The following CPEB3 variants were observed in gnomAD, a reference collection of about 807,000 sequenced individuals.
The protein encoded by CPEB3 is cytoplasmic polyadenylation element-binding protein 3.
A neutral mutation model predicts 67.2 loss-of-function variants in CPEB3; 20 were observed. The ratio of observed to expected loss-of-function variants is 0.30; its 90% confidence interval spans 0.21 to 0.43. The LOEUF (loss-of-function observed/expected upper bound fraction) is 0.43, where lower values mean the gene tolerates loss of function less well. Among genes scored for constraint, CPEB3 ranks in the 20% least tolerant of loss-of-function variants. The pLI is 1.00. For synonymous variants in CPEB3, 376 were observed against 393.1 expected, an observed-to-expected ratio of 0.96 and a Z score of 0.51; for missense variants, 746 against 968.6, an observed-to-expected ratio of 0.77 and a Z score of 3.05.
chr10:92,111,434 T>G (rs2133486509), intron 6 of CPEB3, among the ~76,000 whole-genome samples: 1 of 152,336 alleles, frequency 6.6e-6, no homozygotes, highest in South Asian at 2.1e-4. Context: ...TTCCACTAAA[T>G]ACATCTGGTT....
At chr10:92,272,211 CTGAT>C (rs761400935) in intron 1 of CPEB3, 37 of 152,256 alleles carry the variant, frequency 2.4e-4, no homozygotes, top group African/African-American at 8.9e-4. Context: ...TGATCTGTAA[CTGAT>C]TGTGAACTCA....
intron 6 of CPEB3, among the ~76,000 whole-genome samples, chr10:92,132,457 A>AC (rs1845886944): frequency 6.6e-6 from 1 of 152,198 alleles, no homozygotes; most frequent in African/African-American, 2.4e-5. Flanking sequence ...GTATTTTCTT[A>AC]TTGTCTTGCA....
At chr10:92,089,458 A>C (rs1166590938) in intron 8 of CPEB3, among the ~76,000 whole-genome samples, 1 of 152,166 alleles carries the variant, frequency 6.6e-6, no homozygotes, top group Non-Finnish European at 1.5e-5. Context: ...AAAACAAAAC[A>C]TTTTAAAACA....
At chr10:92,268,799 T>C (rs11186884) in intron 1 of CPEB3, among the ~76,000 whole-genome samples, 33,803 of 151,576 alleles carry the variant, frequency 0.22, 4,729 homozygotes, top group Middle Eastern at 0.34. Flanking sequence ...CAGAAAGAGG[T>C]TTCCATGATG....
chr10:92,267,137 C>T (rs1853094645), intron 1 of CPEB3, among the ~76,000 whole-genome samples: 2 of 151,992 alleles, frequency 1.3e-5, no homozygotes, highest in South Asian at 4.2e-4. Context: ...GCAGAGGGAA[C>T]AATTAATGTG....
intron 1 of CPEB3, among the ~76,000 whole-genome samples, chr10:92,264,336 A>G (rs1852945100): frequency 6.6e-6 from 1 of 151,200 alleles, no homozygotes; most frequent in Non-Finnish European, 1.5e-5. Flanking sequence ...TCAAAAAAAA[A>G]AAAAAGAAAA....
In CPEB3 at chr10:92,047,480, TAAAATG is replaced by T. The variant is rs935912977; in HGVS notation, c.*4726_*4731del. On this transcript the variant is annotated 3_prime_UTR_variant, in exon 10 of 10. Coordinates refer to ENST00000265997, the MANE Select transcript of CPEB3 (RefSeq NM_014912.5). ...CCATTTTTGTTGCTAATATAATAGATAAAATGAAAACTAGCAGTTATTTGCTAATTG... is the reference window on the plus strand; with the variant it reads ...CCATTTTTGTTGCTAATATAATAGATAAAACTAGCAGTTATTTGCTAATTG... 6.6e-6 allele frequency: 1 copy of T among 152,196 alleles called. No individual in the cohort carries two copies. The highest frequency in any genetic ancestry group is 1.5e-5 in the Non-Finnish European group (1 of 68,026). The allele number at this position is 152,196 out of a possible 1,614,324, so 9.4% of individuals were successfully genotyped here.
In CPEB3 at chr10:92,198,066, AT is replaced by A. The variant is rs1348177776; in HGVS notation, c.1006-5431del. 7.2e-5 allele frequency among the ~76,000 whole-genome samples: 11 copies of A among 152,334 alleles called. No homozygotes were observed. In the East Asian group the frequency reaches 1.5e-3, roughly 21 times the overall value. On this transcript the variant is annotated intron_variant, in intron 2 of 9. Transcript: ENST00000265997. ...GGCTGCAGTGAGCCGAGATCACGCCATTGCACTCCACCCTGGGTGACACAGT... is the reference window on the plus strand; with the variant it reads ...GGCTGCAGTGAGCCGAGATCACGCCATGCACTCCACCCTGGGTGACACAGT...
chr10:92,106,363 G>A (rs1455757760), intron 7 of CPEB3, among the ~76,000 whole-genome samples: 1 of 151,960 alleles, frequency 6.6e-6, no homozygotes, highest in African/African-American at 2.4e-5. Context: ...CTCAAACATG[G>A]TCTGAAGGAA....
intron 9 of CPEB3, among the ~76,000 whole-genome samples, chr10:92,056,756 G>A (rs1842127290): frequency 6.6e-6 from 1 of 152,214 alleles, no homozygotes; most frequent in Non-Finnish European, 1.5e-5. Context: ...AGCCAAGGGA[G>A]TGGTGGCATC....
At chr10:92,175,024 A>G (rs1249809706) in intron 4 of CPEB3, among the ~76,000 whole-genome samples, 1 of 152,040 alleles carries the variant, frequency 6.6e-6, no homozygotes, top group Non-Finnish European at 1.5e-5. Flanking sequence ...CTAACTGCCC[A>G]CTTACAGGTT....
chr10:92,127,957 G>T (rs889413215), intron 6 of CPEB3, among the ~76,000 whole-genome samples: 1 of 151,990 alleles, frequency 6.6e-6, no homozygotes, highest in Non-Finnish European at 1.5e-5. Flanking sequence ...AAACACAGAA[G>T]CAAAAAGGTA....
In CPEB3 at chr10:92,144,961, A is replaced by C. The variant is rs1846608516; in HGVS notation, c.1347T>G (p.Pro449=). 5 of 1,614,110 alleles carry C rather than the reference A, an allele frequency of 3.1e-6. No homozygotes were observed. Among genetic ancestry groups the C allele is most frequent in the Non-Finnish European group, 3.4e-6 (4 of 1,180,020 alleles). ...YSRKVFVGGL[P]PDIDEDEITA... ...GCATAGTACCTTCATCAATATCAGG[A>C]GGAAGTCCTCCAACAAACACCTTTC... The change falls in exon 5 of 10, where the codon CCT becomes CCG. Residue 449 remains proline (P), a synonymous_variant. Transcript: ENST00000265997.
intron 8 of CPEB3, among the ~76,000 whole-genome samples, chr10:92,090,986 G>A (rs1284393425): frequency 6.6e-6 from 1 of 152,156 alleles, no homozygotes; most frequent in African/African-American, 2.4e-5. Flanking sequence ...TTAGGTGTAG[G>A]CTGGAGTTGG....
chr10:92,049,570 G>C lies in CPEB3; in HGVS notation c.*2642C>G, dbSNP rs1384673420. On this transcript the variant is annotated 3_prime_UTR_variant, in exon 10 of 10. Coordinates refer to ENST00000265997, the MANE Select transcript of CPEB3 (RefSeq NM_014912.5). ...AACTCTTTCACAATCCTGGTCAGTC[G>C]CGCACAATCAACACTTGATTAGAAA... is the stretch of plus-strand genomic sequence containing the variant. The C allele has an allele frequency of 6.6e-6, 1 of 152,464 alleles. No individual in the cohort carries two copies. Among genetic ancestry groups the C allele is most frequent in the African/African-American group, 2.4e-5 (1 of 41,400 alleles). 9.4% of individuals were successfully genotyped at this position (152,464 alleles called of 1,614,324 possible).
rs1384781075 is a variant in CPEB3, at chr10:92,239,538, C to A, written c.813G>T (p.Ala271=). The change falls in exon 2 of 10, where the codon GCG becomes GCT. Residue 271 remains alanine (A), a synonymous_variant. Coordinates refer to ENST00000265997, the MANE Select transcript of CPEB3 (RefSeq NM_014912.5). This position sits in a 1 kb window ranked among gnomAD's most constrained non-coding sequence, Gnocchi z 6.0. ...CACCCACACCCACGCCCACACCGAC[C>A]GCCCGGCGAGGGTCCCGGCCCGCCT... ...GLQAGRDPRR[A]VGVGVGVGVG... 2 of 1,559,208 alleles carry A rather than the reference C, an allele frequency of 1.3e-6. No individual in the cohort carries two copies. The highest frequency in any genetic ancestry group is 1.9e-5 in the Admixed American group (1 of 51,602).
At chr10:92,259,987 C>T (rs1173750266) in intron 1 of CPEB3, among the ~76,000 whole-genome samples, 1 of 152,146 alleles carries the variant, frequency 6.6e-6, no homozygotes, top group African/African-American at 2.4e-5. Context: ...GAACTAGGAC[C>T]TAATTTCAGT....
chr10:92,137,131 A>C (rs1231741174), intron 6 of CPEB3: 1 of 321,144 alleles, frequency 3.1e-6, no homozygotes, highest in African/African-American at 2.2e-5. Context: ...TCTGCAGTAG[A>C]TTGAATTAGA....
intron 4 of CPEB3, among the ~76,000 whole-genome samples, chr10:92,170,193 C>A (rs1847938026): frequency 6.6e-6 from 1 of 152,140 alleles, no homozygotes; most frequent in Non-Finnish European, 1.5e-5. Context: ...GTACAAAATG[C>A]AAGCTCAAGG....
Sources: gnomAD v4.1 joint callset for allele counts (sites outside exome capture counted in the v4.1 genomes callset) on GRCh38, gnomAD v4.1.1 for gene constraint, Gnocchi (gnomAD v3.1) non-coding constraint, MANE v1.5 for transcripts, NCBI Gene and HGNC (gene_info 2026-07-23, HGNC 2026-07-21) for gene names.